Variants in OXR1 observed in about 807,000 individuals in gnomAD.
OXR1 encodes oxidation resistance protein 1.
In OXR1, 41 loss-of-function variants were observed where a neutral mutation model predicts 104.6. That is an observed-to-expected ratio of 0.39 (90% CI 0.31 to 0.51). The LOEUF (loss-of-function observed/expected upper bound fraction) is 0.51. Ranked by LOEUF, OXR1 falls within the 20% of genes least tolerant of loss-of-function variation. The probability of loss-of-function intolerance (pLI) is 0.77; values close to 1 mark genes in which losing one functional copy is unlikely to be tolerated. For synonymous variants in OXR1, 348 were observed against 348.4 expected (o/e 1.00, Z 0.01); for missense variants, 955 against 1,031.9 (o/e 0.93, Z 1.02).
intron 3 of OXR1, among the ~76,000 whole-genome samples, chr8:106,623,033 T>C (rs754190354): frequency 1.3e-5 from 2 of 152,134 alleles, no homozygotes; most frequent in Non-Finnish European, 2.9e-5. Context: ...TCAAACAAGC[T>C]AAGCAAGCGT....
At chr8:106,693,526 T>G (rs192025179) in intron 7 of OXR1, among the ~76,000 whole-genome samples, 53 of 144,800 alleles carry the variant, frequency 3.7e-4, no homozygotes, top group African/African-American at 1.4e-3. Flanking sequence ...GCCTCCTGGG[T>G]TCAAGCAATT....
intron 3 of OXR1, among the ~76,000 whole-genome samples, chr8:106,675,576 A>C (rs1476338507): frequency 1.3e-5 from 2 of 152,180 alleles, no homozygotes; most frequent in Non-Finnish European, 2.9e-5. Flanking sequence ...ATTCAGGAGC[A>C]GATTATTCAG....
intron 2 of OXR1, among the ~76,000 whole-genome samples, chr8:106,493,151 A>C (rs1313044444): frequency 6.6e-6 from 1 of 152,180 alleles, no homozygotes; most frequent in African/African-American, 2.4e-5. Flanking sequence ...TGGGTAGCTA[A>C]CTGGTGGGGA....
chr8:106,697,527 G>C, intron 7 of OXR1: 1 of 1,611,164 alleles, frequency 6.2e-7, no homozygotes, highest in Middle Eastern at 1.7e-4. Flanking sequence ...GGTTATCCGA[G>C]AAGTTCCGAG....
intron 1 of OXR1, among the ~76,000 whole-genome samples, chr8:106,308,286 C>T (rs1370571695): frequency 6.6e-6 from 1 of 152,136 alleles, no homozygotes; most frequent in East Asian, 1.9e-4. Context: ...TGCCCTTCCT[C>T]CACCTTTTTG....
chr8:106,547,557 A>G (rs1815465469), intron 3 of OXR1, among the ~76,000 whole-genome samples: 1 of 146,622 alleles, frequency 6.8e-6, no homozygotes, highest in Non-Finnish European at 1.5e-5. Flanking sequence ...GCAATGGCGC[A>G]ATCTCAGCTG....
intron 2 of OXR1, among the ~76,000 whole-genome samples, chr8:106,496,615 C>T (rs1811427623): frequency 1.3e-5 from 2 of 152,118 alleles, no homozygotes; most frequent in African/African-American, 2.4e-5. Flanking sequence ...TGATGCATAT[C>T]GCTTCTACTA....
chr8:106,381,201 A>G (rs1375796470), intron 2 of OXR1, among the ~76,000 whole-genome samples: 3 of 152,200 alleles, frequency 2.0e-5, no homozygotes, highest in Non-Finnish European at 4.4e-5. Context: ...GTGAACAATG[A>G]TCTTAATTAT....
chr8:106,565,153 AG>A (rs1816974223), intron 3 of OXR1, among the ~76,000 whole-genome samples: 1 of 152,218 alleles, frequency 6.6e-6, no homozygotes. Flanking sequence ...AGAGAAAGAA[AG>A]GGTATACAAA....
intron 16 of OXR1, among the ~76,000 whole-genome samples, chr8:106,750,274 C>T (rs1360573462): frequency 2.7e-5 from 4 of 150,872 alleles, no homozygotes; most frequent in Non-Finnish European, 4.4e-5. Context: ...TTATAGAGGA[C>T]ACTGTTCCTG....
At chr8:106,622,722 A>G (rs1350390180) in intron 3 of OXR1, among the ~76,000 whole-genome samples, 1 of 152,120 alleles carries the variant, frequency 6.6e-6, no homozygotes, top group African/African-American at 2.4e-5. Context: ...TAAAATTTCA[A>G]ATCCCCTGCC....
chr8:106,304,543 TAA>T (rs2130104691), intron 1 of OXR1, among the ~76,000 whole-genome samples: 2 of 152,260 alleles, frequency 1.3e-5, no homozygotes, highest in Non-Finnish European at 2.9e-5. Flanking sequence ...ATTAAAAAAG[TAA>T]AAAGAAGTAG....
intron 1 of OXR1, among the ~76,000 whole-genome samples, chr8:106,289,855 C>T (rs1212180907): frequency 6.6e-6 from 1 of 152,162 alleles, no homozygotes; most frequent in Non-Finnish European, 1.5e-5. Flanking sequence ...TACCCCCATG[C>T]TGTTCTCATG....
At chr8:106,533,849 A>G (rs1471581499) in intron 3 of OXR1, among the ~76,000 whole-genome samples, 1 of 151,650 alleles carries the variant, frequency 6.6e-6, no homozygotes, top group Non-Finnish European at 1.5e-5. Context: ...CTGAGTAGCT[A>G]AAATTACATG....
chr8:106,682,853 A>G (rs997921628), intron 4 of OXR1, among the ~76,000 whole-genome samples: 1 of 152,184 alleles, frequency 6.6e-6, no homozygotes, highest in African/African-American at 2.4e-5. Context: ...GCTAGAAGTC[A>G]CATATATTTT....
At chr8:106,311,025 CA>C (rs1483906469) in intron 1 of OXR1, among the ~76,000 whole-genome samples, 1 of 152,014 alleles carries the variant, frequency 6.6e-6, no homozygotes, top group Non-Finnish European at 1.5e-5. Context: ...TTCTGTTTGA[CA>C]TTTCTGGAGC....
chr8:106,682,034 C>T (rs1828205415), intron 4 of OXR1, among the ~76,000 whole-genome samples: 1 of 152,110 alleles, frequency 6.6e-6, no homozygotes, highest in Non-Finnish European at 1.5e-5. Context: ...AAATTCCCAA[C>T]CCTTCTTCAA....
intron 8 of OXR1, among the ~76,000 whole-genome samples, chr8:106,704,459 TGCAATA>T (rs1484793465): frequency 7.7e-6 from 1 of 130,262 alleles, no homozygotes; most frequent in Non-Finnish European, 1.6e-5. Flanking sequence ...CAGGCTGGAA[TGCAATA>T]GCACGATCTG....
chr8:106,547,597 G>A (rs765199363), intron 3 of OXR1, among the ~76,000 whole-genome samples: 8 of 149,490 alleles, frequency 5.4e-5, no homozygotes, highest in East Asian at 2.0e-4. Context: ...GAGTCCAAGC[G>A]ATTCTTCTGC....
Sources: allele counts gnomAD v4.1 joint callset (sites outside exome capture counted in the v4.1 genomes callset), GRCh38; gene constraint gnomAD v4.1.1; transcripts MANE v1.5; gene names NCBI Gene and HGNC (gene_info 2026-07-23, HGNC 2026-07-21).